The following LDHD variants were observed in gnomAD, a reference collection of about 807,000 sequenced individuals.
LDHD encodes the protein lactate dehydrogenase D.
A neutral mutation model predicts 52.9 loss-of-function variants in LDHD; 58 were observed. That is an observed-to-expected ratio of 1.10 (90% CI 0.89 to 1.36). The LOEUF (loss-of-function observed/expected upper bound fraction) is 1.36. Among genes scored for constraint, LDHD ranks in the 40% most tolerant of loss-of-function variants. The pLI is 0.00. For synonymous variants in LDHD, 350 were observed against 288.6 expected, an observed-to-expected ratio of 1.21 and a Z score of -2.16; for missense variants, 747 against 668.0, an observed-to-expected ratio of 1.12 and a Z score of -1.30.
intron 1 of LDHD, among the ~76,000 whole-genome samples, chr16:75,115,982 C>A (rs111788087): frequency 6.6e-6 from 1 of 152,074 alleles, no homozygotes; most frequent in Admixed American, 6.5e-5. Context: ...TGGGCTCAAG[C>A]GATCCACCTG....
At position 75,114,102 on chromosome 16, in the gene LDHD, G is replaced by T; in HGVS notation, c.693C>A (p.Leu231=). 2 of 1,612,250 alleles carry T rather than the reference G, an allele frequency of 1.2e-6. No homozygotes were observed. The highest frequency in any genetic ancestry group is 1.3e-5 in the African/African-American group (1 of 75,050). The change falls in exon 6 of 11, where the codon CTC becomes CTA. Residue 231 remains leucine (L), a synonymous_variant. Transcript: ENST00000450168. Reference sequence around the variant, plus strand: ...GCAGGCGCAGGGTGGTGGCTGTGATGAGGCCCAGCGTCCCCTCGGAGCCCA... The same window carrying T: ...GCAGGCGCAGGGTGGTGGCTGTGATTAGGCCCAGCGTCCCCTCGGAGCCCA... The part of the protein sequence containing the change: ...LFVGSEGTLG[L]ITATTLRLHP...
chr16:75,112,254 C>T lies in LDHD; in HGVS notation c.*102G>A, dbSNP rs2036410099. 2.9e-6 allele frequency: 4 copies of T among 1,375,528 alleles called. No individual in the cohort carries two copies. Among genetic ancestry groups the T allele is most frequent in the East Asian group, 2.3e-5 (1 of 43,100 alleles). The allele number at this position is 1,375,528 out of a possible 1,614,324, so 85.2% of individuals were successfully genotyped here. A position where few individuals can be genotyped will look rare whatever the true frequency, so the allele number is the denominator to read the frequency against. On this transcript the variant is annotated 3_prime_UTR_variant, in exon 11 of 11. Transcript: ENST00000450168. ...TACAGTGGGCTCGCTGGCAGGAAGA[C>T]TGCCTCAGCATCTATTTCCTTGCAG...
chr16:75,113,479 G>C, intron 8 of LDHD, 56 bp downstream of exon 8: 1 of 1,547,170 alleles, frequency 6.5e-7, no homozygotes, highest in Non-Finnish European at 8.7e-7. Flanking sequence ...GGTGGGTTGA[G>C]GAAAGGGTTT....
intron 5 of LDHD, 78 bp from the exon 6 acceptor site, chr16:75,114,243 C>T: frequency 1.3e-6 from 2 of 1,585,804 alleles, no homozygotes; most frequent in Non-Finnish European, 1.7e-6. Context: ...AGCTGGAACC[C>T]AAGACACCGA....
chr16:75,112,494 G>A lies in LDHD; in HGVS notation c.1317C>T (p.Cys439=). The change falls in exon 11 of 11, where the codon TGC becomes TGT. Residue 439 remains cysteine (C), a synonymous_variant. Transcript: ENST00000450168. ...CCATTCCGATGCCATGCTCCCCCGT[G>A]CACGTTCCGTGGAGAGCCAGTGCCC... The part of the protein sequence containing the change: ...GRRALALHGT[C]TGEHGIGMGK... The A allele has an allele frequency of 6.2e-7, 1 of 1,613,402 alleles. No homozygotes were observed. The highest frequency in any genetic ancestry group is 8.5e-7 in the Non-Finnish European group (1 of 1,179,966).
chr16:75,114,475 C>T lies in LDHD; in HGVS notation c.629+51G>A, dbSNP rs141586844. The T allele has an allele frequency of 1.6e-3, 2,265 of 1,448,562 alleles. 3 individuals carry two copies. Among genetic ancestry groups the T allele is most frequent in the Middle Eastern group, 2.0e-3 (8 of 3,990 alleles). 89.7% of individuals were successfully genotyped at this position (1,448,562 alleles called of 1,614,324 possible). A position where few individuals can be genotyped will look rare whatever the true frequency, so the allele number is the denominator to read the frequency against. On this transcript the variant is annotated intron_variant, in intron 5 of 10. Transcript: ENST00000450168. ...ACAGCCCGGTCTCTGCAGGGCAGCCCGCCAGCAGTGCCCAGGGCCAGAGCC... is the reference window on the plus strand; with the variant it reads ...ACAGCCCGGTCTCTGCAGGGCAGCCTGCCAGCAGTGCCCAGGGCCAGAGCC...
Position 75,113,603 on chromosome 16 carries a change from GCTCCTCGGC to G in LDHD, c.1009_1017del (p.Ala337_Glu339del). The G allele has an allele frequency of 6.2e-7, 1 of 1,613,156 alleles. No individual in the cohort carries two copies. Among genetic ancestry groups the G allele is most frequent in the Non-Finnish European group, 8.5e-7 (1 of 1,179,980 alleles). On this transcript the variant is annotated inframe_deletion, in exon 8 of 11. Coordinates refer to ENST00000450168, the MANE Select transcript of LDHD (RefSeq NM_194436.3). ...TGCCGTGCTGTCCAAAGCCGGCTGC[GCTCCTCGGC>G]CTCCTTGGCCCAGGAGAAGTCAGAG...
rs186156814 is a variant in LDHD, at chr16:75,114,049, G to A, written c.746C>T (p.Ala249Val). The A allele has an allele frequency of 2.2e-5, 36 of 1,610,146 alleles. No homozygotes were observed. The African/African-American group carries it at 4.5e-4, about 20-fold the overall frequency. Residue 249 changes from alanine (A) to valine (V), a missense_variant, in exon 6 of 11, where the codon GCC (alanine) becomes GTC (valine). Transcript: ENST00000450168. ...LHPAPEATVA[A>V]TCAFPSVQAA... ...CTGGACACTGGGGAACGCACACGTG[G>A]CGGCCACTGTGGCCTCAGGGGCAGG...
chr16:75,112,815 G>A lies in LDHD; in HGVS notation c.1177+19C>T, dbSNP rs371270018. ...CCTGACACCTCCCCACCTCTCCCCA[G>A]CAGCAGGGTGGGCAGAACCTGTGAG... On this transcript the variant is annotated intron_variant, in intron 9 of 10. Transcript: ENST00000450168. 8.7e-6 allele frequency: 14 copies of A among 1,608,208 alleles called. No individual in the cohort carries two copies. In the African/African-American group the frequency reaches 1.9e-4, roughly 21 times the overall value.
chr16:75,115,565 G>C lies in LDHD; in HGVS notation c.168C>G (p.Arg56=). ...TCCCATACCTGTGCACCGACTCATCGCGCCCGTGCTGCTCTCGGACCACCG... is the reference window on the plus strand; with the variant it reads ...TCCCATACCTGTGCACCGACTCATCCCGCCCGTGCTGCTCTCGGACCACCG... The part of the protein sequence containing the change: ...TAAVVREQHG[R]DESVHRCEPP... Residue 56 remains arginine, a synonymous_variant, in exon 2 of 11, where the codon CGC becomes CGG. Coordinates refer to ENST00000450168, the MANE Select transcript of LDHD (RefSeq NM_194436.3). 6.2e-7 allele frequency: 1 copy of C among 1,612,980 alleles called. No homozygotes were observed. The highest frequency in any genetic ancestry group is 8.5e-7 in the Non-Finnish European group (1 of 1,179,946).
intron 5 of LDHD, 90 bp from the exon 6 acceptor site, chr16:75,114,255 C>T (rs750181416): frequency 6.3e-7 from 1 of 1,577,052 alleles, no homozygotes; most frequent in Admixed American, 1.7e-5. Context: ...AGACACCGAC[C>T]CCAGGCACTG....
chr16:75,113,688 A>T (rs770724781), intron 7 of LDHD, 26 bp from the exon 8 acceptor site: 1 of 1,612,724 alleles, frequency 6.2e-7, no homozygotes, highest in Non-Finnish European at 8.5e-7. Context: ...GGGGGCTGAC[A>T]CCGGGCCGCC....
intron 8 of LDHD, 116 bp from the exon 9 acceptor site, chr16:75,113,040 G>A: frequency 1.4e-6 from 1 of 729,078 alleles, no homozygotes; most frequent in South Asian, 1.6e-5. Context: ...CCTCACACAA[G>A]GAAATAATCC....
chr16:75,114,455 C>T (rs1478731543), intron 5 of LDHD, 71 bp downstream of exon 5: 4 of 1,420,314 alleles, frequency 2.8e-6, no homozygotes, highest in Non-Finnish European at 3.7e-6. Flanking sequence ...TTTTCACAGC[C>T]CGGTCTCTGC....
intron 3 of LDHD, 69 bp downstream of exon 3, chr16:75,115,129 G>T: frequency 6.4e-7 from 1 of 1,550,872 alleles, no homozygotes; most frequent in Non-Finnish European, 8.7e-7. Context: ...TGTGGCGGGG[G>T]AGGCAGCCAC....
rs2036411357 is a variant in LDHD, at chr16:75,112,306, G to C, written c.*50C>G. ...GGCCGTGGCATGAAGAAAAGTTCCA[G>C]AACCGGCTCCGTAGTCAGGGAACTT... is the stretch of plus-strand genomic sequence containing the variant. On this transcript the variant is annotated 3_prime_UTR_variant, in exon 11 of 11. Coordinates refer to ENST00000450168, the MANE Select transcript of LDHD (RefSeq NM_194436.3). The C allele has an allele frequency of 6.4e-7, 1 of 1,555,270 alleles. No homozygotes were observed. Among genetic ancestry groups the C allele is most frequent in the Non-Finnish European group, 8.7e-7 (1 of 1,146,138 alleles).
intron 5 of LDHD, 143 bp downstream of exon 5, chr16:75,114,383 T>C: frequency 7.3e-7 from 1 of 1,367,818 alleles, no homozygotes; most frequent in Non-Finnish European, 9.8e-7. Flanking sequence ...TTGGCCCAGC[T>C]GACAGGGCTT....
intron 5 of LDHD, 128 bp downstream of exon 5, chr16:75,114,398 G>C (rs2036487365): frequency 7.4e-7 from 1 of 1,343,988 alleles, no homozygotes; most frequent in African/African-American, 1.5e-5. Context: ...GGGCTTCAGA[G>C]CCTGAGGAAG....
intron 1 of LDHD, among the ~76,000 whole-genome samples, chr16:75,116,213 G>A (rs1052255556): frequency 6.6e-6 from 1 of 152,206 alleles, no homozygotes; most frequent in Non-Finnish European, 1.5e-5. Context: ...AGGGAATTAG[G>A]GGGAGGAAAA....
Sources: allele counts gnomAD v4.1 joint callset (sites outside exome capture counted in the v4.1 genomes callset), GRCh38; gene constraint gnomAD v4.1.1; transcripts MANE v1.5; gene names NCBI Gene and HGNC (gene_info 2026-07-23, HGNC 2026-07-21).